ZNF718: variants seen among roughly 807,000 people sequenced by gnomAD.
ZNF718 encodes the protein zinc finger protein 718.
Under a neutral mutation model 2.6 loss-of-function variants are expected in ZNF718, and 3 were observed. That is an observed-to-expected ratio of 1.16 (90% CI 0.53 to 3.01). ZNF718 has a LOEUF of 3.01. Ranked by LOEUF, ZNF718 falls within the 30% of genes most tolerant of loss-of-function variation. The probability of loss-of-function intolerance (pLI) is 0.03; values close to 1 mark genes in which losing one functional copy is unlikely to be tolerated. For missense variants in ZNF718, 468 were observed against 230.0 expected (o/e 2.03, Z -6.69); for synonymous variants, 135 against 77.9 (o/e 1.73, Z -3.86).
chr4:201,488 A>G (rs1553822779), intron 4 of ZNF718: 1 of 153,350 alleles, frequency 6.5e-6, no homozygotes, highest in African/African-American at 2.4e-5. Context: ...TGGGTGGTGG[A>G]CCTACTGGCC....
At position 160,895 on chromosome 4, in the gene ZNF718, A is replaced by G. The variant is rs781888328; in HGVS notation, c.227-17A>G. 1.4e-6 allele frequency: 1 copy of G among 739,372 alleles called. No homozygotes were observed. The highest frequency in any genetic ancestry group is 1.5e-5 in the South Asian group (1 of 67,748). 45.8% of individuals were successfully genotyped at this position (739,372 alleles called of 1,614,324 possible). On this transcript the variant is annotated splice_polypyrimidine_tract_variant and intron_variant, in intron 3 of 3. Transcript: ENST00000510175. The stretch of plus-strand genomic sequence containing the variant: ...AATCTAGTAAGTGGGATAATTTGTT[A>G]TTTTTATTTCTTTCAGCTGTGTGTT...
chr4:200,065 C>T lies in ZNF718; in HGVS notation c.227-1016C>T, dbSNP rs536523482. ...CTAGTCAAATGGCTAATCACAGATA[C>T]AATGTATTTTGTGAAAAACTTAGAA... is the stretch of plus-strand genomic sequence containing the variant. On this transcript the variant is annotated intron_variant and NMD_transcript_variant, in intron 3 of 4. Coordinates refer to the ZNF718 transcript ENST00000642529. Among the ~76,000 whole-genome samples the T allele has an allele frequency of 2.0e-5, 3 of 152,280 alleles. No individual in the cohort carries two copies. In the South Asian group the frequency reaches 6.2e-4, roughly 32 times the overall value.
chr4:161,350 C>T lies in ZNF718; in HGVS notation c.665C>T (p.Ala222Val), dbSNP rs530920982. The T allele has an allele frequency of 2.1e-5, 16 of 779,018 alleles. No individual in the cohort carries two copies. Among genetic ancestry groups the T allele is most frequent in the Non-Finnish European group, 3.6e-5 (15 of 417,322 alleles). 48.3% of individuals were successfully genotyped at this position (779,018 alleles called of 1,614,324 possible). A position where few individuals can be genotyped will look rare whatever the true frequency, so the allele number is the denominator to read the frequency against. Residue 222 changes from alanine (A) to valine (V), a missense_variant, in exon 4 of 4, where the codon GCC becomes GTC. Coordinates refer to ENST00000510175, the MANE Select transcript of ZNF718 (RefSeq NM_001039127.6). ...CTTACTAAACATAAGAGAATTCATG[C>T]CAGAGAGAAATTCTACAAGTGTGAA... ...SILTKHKRIH[A>V]REKFYKCEEC...
At position 124,530 on chromosome 4, in the gene ZNF718, C is replaced by G. The variant is rs868955469; in HGVS notation, c.-141C>G. ...TTTGCTTGTAGCTCCAGCCAGAGCT[C>G]GGTTAGGGCCTCATCGCTCTGCTCC... On this transcript the variant is annotated 5_prime_UTR_variant, in exon 1 of 4. Coordinates refer to ENST00000510175, the MANE Select transcript of ZNF718 (RefSeq NM_001039127.6). 5.0e-6 allele frequency: 6 copies of G among 1,197,294 alleles called. No homozygotes were observed. In the East Asian group the frequency reaches 1.5e-4, roughly 29 times the overall value. The allele number at this position is 1,197,294 out of a possible 1,614,324, so 74.2% of individuals were successfully genotyped here. A position where few individuals can be genotyped will look rare whatever the true frequency, so the allele number is the denominator to read the frequency against.
Position 130,858 on chromosome 4 carries a change from A to C in ZNF718, c.74A>C (p.Gln25Pro), listed in dbSNP as rs1275759677. Reference protein sequence around the residue: ...PEEWKCLDTSQQNLYRDVMLE... With the variant: ...PEEWKCLDTSPQNLYRDVMLE... Reference sequence around the variant, plus strand: ...GAGTGGAAATGTCTGGACACTTCCCAGCAGAATTTATATAGAGATGTGATG... The same window carrying C: ...GAGTGGAAATGTCTGGACACTTCCCCGCAGAATTTATATAGAGATGTGATG... Residue 25 changes from glutamine (Q) to proline (P), a missense_variant, in exon 2 of 4, where the codon CAG becomes CCG. Coordinates refer to ENST00000510175, the MANE Select transcript of ZNF718 (RefSeq NM_001039127.6). 2.1e-5 allele frequency: 8 copies of C among 387,782 alleles called. 2 individuals are homozygous for C. The African/African-American group carries it at 2.1e-4, about 10-fold the overall frequency. 24.0% of individuals were successfully genotyped at this position (387,782 alleles called of 1,614,324 possible).
chr4:195,876 A>T (rs935969477), intron 3 of ZNF718, among the ~76,000 whole-genome samples: 1 of 152,148 alleles, frequency 6.6e-6, no homozygotes, highest in Non-Finnish European at 1.5e-5. Context: ...TATAGGTTTT[A>T]AATTTACCCT....
At chr4:190,578 C>G (rs1345728453) in intron 3 of ZNF718, among the ~76,000 whole-genome samples, 1 of 152,034 alleles carries the variant, frequency 6.6e-6, no homozygotes, top group South Asian at 2.1e-4. Context: ...ATTAATCAGT[C>G]TATTTAATTT....
At chr4:153,291 A>C (rs1716416967) in intron 3 of ZNF718, among the ~76,000 whole-genome samples, 3 of 152,116 alleles carry the variant, frequency 2.0e-5, no homozygotes, top group Admixed American at 2.0e-4. Context: ...TTTATGCCAG[A>C]ATCATGCTCC....
intron 3 of ZNF718, among the ~76,000 whole-genome samples, chr4:173,163 CT>C (rs1158430734): frequency 6.6e-6 from 1 of 151,474 alleles, no homozygotes; most frequent in Admixed American, 6.6e-5. Context: ...TTGGGAACAA[CT>C]TTTTTTTTCA....
At chr4:166,118 G>A (rs1320911996), downstream of ZNF718, among the ~76,000 whole-genome samples, 8 of 152,048 alleles carry the variant, frequency 5.3e-5, no homozygotes, top group African/African-American at 1.9e-4. Flanking sequence ...TTTTGTCCTT[G>A]CAATAGTTTG....
chr4:141,269 A>G (rs1001493414), intron 3 of ZNF718, among the ~76,000 whole-genome samples: 2 of 152,340 alleles, frequency 1.3e-5, no homozygotes, highest in African/African-American at 2.4e-5. Flanking sequence ...TCATAAAACA[A>G]TGTAGTAAGG....
At chr4:167,848 C>A (rs1252107234), downstream of ZNF718, among the ~76,000 whole-genome samples, 1 of 152,146 alleles carries the variant, frequency 6.6e-6, no homozygotes, top group African/African-American at 2.4e-5. Context: ...TTATTTCTTT[C>A]TCCTGCCTGA....
intron 3 of ZNF718, among the ~76,000 whole-genome samples, chr4:133,663 C>G (rs1191902897): frequency 6.6e-6 from 1 of 152,002 alleles, no homozygotes; most frequent in Non-Finnish European, 1.5e-5. Context: ...TAATTTTTAC[C>G]AGAATTTAAT....
intron 3 of ZNF718, among the ~76,000 whole-genome samples, chr4:135,732 T>TTATA (rs1303050207): frequency 2.3e-4 from 18 of 77,634 alleles, no homozygotes; most frequent in African/African-American, 5.3e-4. Context: ...TACTCTAGAG[T>TTATA]TATATATATG....
chr4:151,506 G>A (rs531884670), intron 3 of ZNF718, among the ~76,000 whole-genome samples: 7 of 151,222 alleles, frequency 4.6e-5, no homozygotes, highest in South Asian at 2.1e-4. Context: ...TTGAGACAGA[G>A]TTTTGCTCTG....
intron 3 of ZNF718, among the ~76,000 whole-genome samples, chr4:159,700 T>A (rs1230978158): frequency 2.6e-5 from 4 of 151,928 alleles, no homozygotes; most frequent in Non-Finnish European, 5.9e-5. Flanking sequence ...TTTTATAAAT[T>A]GTATATGTTT....
At chr4:188,328 T>G (rs892692274) in intron 3 of ZNF718, among the ~76,000 whole-genome samples, 1 of 152,224 alleles carries the variant, frequency 6.6e-6, no homozygotes, top group Admixed American at 6.5e-5. Flanking sequence ...GGTCCCTTCC[T>G]CATTCGGATT....
At chr4:191,457 C>A (rs1441838512) in intron 3 of ZNF718, among the ~76,000 whole-genome samples, 1 of 151,860 alleles carries the variant, frequency 6.6e-6, no homozygotes, top group Non-Finnish European at 1.5e-5. Flanking sequence ...CAGCCTAAGT[C>A]TTTAATAGAA....
chr4:201,302 A>C (rs1197731313), intron 4 of ZNF718: 1 of 152,476 alleles, frequency 6.6e-6, no homozygotes. Context: ...AAAACTACTG[A>C]CACCAATAGA....
Sources: gnomAD v4.1 joint callset for allele counts (sites outside exome capture counted in the v4.1 genomes callset) on GRCh38, gnomAD v4.1.1 for gene constraint, MANE v1.5 for transcripts, NCBI Gene and HGNC (gene_info 2026-07-23, HGNC 2026-07-21) for gene names.